The following GLI3 variants were observed in gnomAD, a reference collection of about 807,000 sequenced individuals.
GLI3 encodes GLI family zinc finger 3.
Under a neutral mutation model 100.8 loss-of-function variants are expected in GLI3, and 20 were observed. The observed-to-expected ratio is 0.20, with a 90% CI of 0.14 to 0.29. The LOEUF is 0.29. Among genes scored for constraint, GLI3 ranks in the 10% least tolerant of loss-of-function variants. GLI3 has a pLI of 1.00. For missense variants in GLI3, 2,040 were observed against 2,128.5 expected, an observed-to-expected ratio of 0.96 and a Z score of 0.82; for synonymous variants, 938 against 860.5, an observed-to-expected ratio of 1.09 and a Z score of -1.58.
intron 1 of GLI3, among the ~76,000 whole-genome samples, chr7:42,263,502 A>T (rs1310685464): frequency 1.3e-5 from 2 of 151,186 alleles, no homozygotes; most frequent in African/African-American, 2.4e-5. Flanking sequence ...GCTGGAGTGC[A>T]GTGGTGTGAT....
At chr7:42,160,411 T>C (rs1001636506) in intron 2 of GLI3, among the ~76,000 whole-genome samples, 1 of 152,222 alleles carries the variant, frequency 6.6e-6, no homozygotes, top group African/African-American at 2.4e-5. Flanking sequence ...GACCCAAGTC[T>C]AAACACAAAA....
intron 10 of GLI3, among the ~76,000 whole-genome samples, chr7:41,996,836 G>A (rs749963346): frequency 6.6e-6 from 1 of 152,106 alleles, no homozygotes; most frequent in Non-Finnish European, 1.5e-5. Flanking sequence ...GGGAGGTAAC[G>A]TGATATTATA....
intron 3 of GLI3, among the ~76,000 whole-genome samples, chr7:42,086,391 T>TA (rs1785101844): frequency 1.3e-5 from 2 of 152,164 alleles, no homozygotes; most frequent in African/African-American, 4.8e-5. Context: ...TAAGGCTTTT[T>TA]ATCATAGCTT....
At chr7:42,216,168 C>A (rs955819903) in intron 2 of GLI3, among the ~76,000 whole-genome samples, 3 of 152,188 alleles carry the variant, frequency 2.0e-5, no homozygotes, top group African/African-American at 7.2e-5. Context: ...AATGCTGTTA[C>A]ACATGTCCCC....
chr7:42,185,713 T>C (rs564783952), intron 2 of GLI3, among the ~76,000 whole-genome samples: 1 of 152,230 alleles, frequency 6.6e-6, no homozygotes, highest in East Asian at 1.9e-4. Flanking sequence ...AACCAGTGAG[T>C]CTCTCCAGCC....
intron 2 of GLI3, among the ~76,000 whole-genome samples, chr7:42,159,577 G>A (rs1787084673): frequency 6.6e-6 from 1 of 152,104 alleles, no homozygotes; most frequent in South Asian, 2.1e-4. Context: ...TGCACTATTA[G>A]GAATTGTAAC....
intron 3 of GLI3, among the ~76,000 whole-genome samples, chr7:42,134,343 C>T (rs781048031): frequency 1.1e-4 from 17 of 152,088 alleles, no homozygotes; most frequent in South Asian, 2.1e-4. Context: ...CTAGCGTTAA[C>T]GACCAAAAGC....
At chr7:42,216,007 A>C (rs1159518472) in intron 2 of GLI3, among the ~76,000 whole-genome samples, 1 of 152,220 alleles carries the variant, frequency 6.6e-6, no homozygotes, top group African/African-American at 2.4e-5. Flanking sequence ...AATTATACCC[A>C]TAAGAGTCAT....
At chr7:42,213,144 C>A (rs1210590938) in intron 2 of GLI3, among the ~76,000 whole-genome samples, 2 of 152,134 alleles carry the variant, frequency 1.3e-5, no homozygotes, top group African/African-American at 4.8e-5. Context: ...CATTATGATG[C>A]GCTTAAACAA....
At chr7:42,205,320 C>G (rs187134256) in intron 2 of GLI3, among the ~76,000 whole-genome samples, 22 of 152,222 alleles carry the variant, frequency 1.4e-4, no homozygotes, top group Admixed American at 1.3e-3. Flanking sequence ...TAAGGTTACC[C>G]TAAAGTTAGG....
At chr7:42,209,634 A>G (rs1023169485) in intron 2 of GLI3, among the ~76,000 whole-genome samples, 1 of 152,100 alleles carries the variant, frequency 6.6e-6, no homozygotes, top group Non-Finnish European at 1.5e-5. Context: ...AGGGAGAGAG[A>G]GCTCTTTAAA....
chr7:42,172,727 T>C (rs1787401688), intron 2 of GLI3: 6 of 673,560 alleles, frequency 8.9e-6, no homozygotes, highest in Non-Finnish European at 1.6e-5. Context: ...GAGCTGAGAG[T>C]TTTCCGTGAG....
At chr7:42,065,362 T>TA (rs1206175249) in intron 4 of GLI3, among the ~76,000 whole-genome samples, 1 of 151,854 alleles carries the variant, frequency 6.6e-6, no homozygotes, top group Non-Finnish European at 1.5e-5. Flanking sequence ...AAAAAGCAAG[T>TA]AAAAACAACT....
intron 3 of GLI3, among the ~76,000 whole-genome samples, chr7:42,099,408 T>A (rs1785410577): frequency 6.6e-6 from 1 of 152,252 alleles, no homozygotes; most frequent in Admixed American, 6.5e-5. Flanking sequence ...ATAATTGAAA[T>A]AGAGCATACT....
At chr7:42,075,441 CT>C (rs1269411223) in intron 4 of GLI3, among the ~76,000 whole-genome samples, 1 of 149,396 alleles carries the variant, frequency 6.7e-6, no homozygotes, top group Non-Finnish European at 1.5e-5. Context: ...CATAAAACCT[CT>C]GTATAATGGG....
chr7:42,022,227 A>T lies in GLI3; in HGVS notation c.1497+1241T>A, dbSNP rs145223222. 2.7e-3 allele frequency among the ~76,000 whole-genome samples: 414 copies of T among 152,310 alleles called. 1 individual carries two copies. The highest frequency in any genetic ancestry group is 9.3e-3 in the African/African-American group (385 of 41,550). ...AAAATCCTCAAAACATTCTGTATAG[A>T]ACAGAGCTCAAAATCTGGCAACCTG... is the stretch of plus-strand genomic sequence containing the variant. On this transcript the variant is annotated intron_variant, in intron 10 of 14. Coordinates refer to ENST00000395925, the MANE Select transcript of GLI3 (RefSeq NM_000168.6).
At chr7:42,152,391 A>G (rs1057035185) in intron 2 of GLI3, 7 of 985,308 alleles carry the variant, frequency 7.1e-6, no homozygotes, top group East Asian at 1.1e-4. Context: ...CTTTGCGCCA[A>G]CTTCTCTTGG....
At chr7:42,153,605 C>T (rs541459500) in intron 2 of GLI3, among the ~76,000 whole-genome samples, 1 of 151,808 alleles carries the variant, frequency 6.6e-6, no homozygotes, top group South Asian at 2.1e-4. Flanking sequence ...GGGGAAAGAC[C>T]GGAGGATACT....
rs1037491442 is a variant in GLI3, at chr7:41,968,482, C to T, written c.2104-559G>A. On this transcript the variant is annotated intron_variant, in intron 13 of 14. Transcript: ENST00000395925. ...AGCTGAAACATAAATGTAAGATATG[C>T]GCCATCAGCACACATTACCTCCTCC... is the stretch of plus-strand genomic sequence containing the variant. 9.9e-5 allele frequency among the ~76,000 whole-genome samples: 15 copies of T among 152,070 alleles called. No homozygotes were observed. The South Asian group carries it at 1.9e-3, about 19-fold the overall frequency.
Sources: allele counts gnomAD v4.1 joint callset (sites outside exome capture counted in the v4.1 genomes callset), GRCh38; gene constraint gnomAD v4.1.1; transcripts MANE v1.5; gene names NCBI Gene and HGNC (gene_info 2026-07-23, HGNC 2026-07-21).